Variants in SAMD4A observed in about 807,000 individuals in gnomAD.
SAMD4A encodes the protein protein Smaug homolog 1.
In SAMD4A, 33 loss-of-function variants were observed where a neutral mutation model predicts 81.3. The ratio of observed to expected loss-of-function variants is 0.41; its 90% confidence interval spans 0.31 to 0.54. The LOEUF (loss-of-function observed/expected upper bound fraction) is 0.54, where lower values mean the gene tolerates loss of function less well. Among genes scored for constraint, SAMD4A ranks in the 20% least tolerant of loss-of-function variants. SAMD4A has a pLI of 0.37. For synonymous variants in SAMD4A, 389 were observed against 382.1 expected, an observed-to-expected ratio of 1.02 and a Z score of -0.21; for missense variants, 854 against 951.1, an observed-to-expected ratio of 0.90 and a Z score of 1.34.
At chr14:54,727,390 A>G (rs2037452067) in intron 3 of SAMD4A, among the ~76,000 whole-genome samples, 1 of 151,666 alleles carries the variant, frequency 6.6e-6, no homozygotes, top group South Asian at 2.1e-4. Context: ...GGGTTTCACC[A>G]TGTTAGCCAG....
At chr14:54,720,319 A>C (rs758007770) in intron 3 of SAMD4A, among the ~76,000 whole-genome samples, 1 of 151,886 alleles carries the variant, frequency 6.6e-6, no homozygotes, top group Non-Finnish European at 1.5e-5. Context: ...TGTTTCTTGG[A>C]GTTTTTTCTC....
chr14:54,605,149 C>T (rs2034164422), intron 2 of SAMD4A, among the ~76,000 whole-genome samples: 1 of 152,100 alleles, frequency 6.6e-6, no homozygotes, highest in Non-Finnish European at 1.5e-5. Flanking sequence ...CCCTGTTTCA[C>T]TTGACAATTA....
chr14:54,677,386 C>G (rs61976981), intron 2 of SAMD4A, among the ~76,000 whole-genome samples: 1 of 152,146 alleles, frequency 6.6e-6, no homozygotes, highest in Non-Finnish European at 1.5e-5. Context: ...CCCTATTACC[C>G]TAACTCCTCC....
At chr14:54,568,217 CCGGGACCTGGA>C (rs2033002737) in intron 2 of SAMD4A, 105 bp downstream of exon 2, 1 of 1,118,520 alleles carries the variant, frequency 8.9e-7, no homozygotes, top group Admixed American at 4.0e-5. Context: ...GCCAGCCGCG[CCGGGACCTGGA>C]CGGCGTGGCC....
At chr14:54,576,012 T>C (rs2033283812) in intron 2 of SAMD4A, among the ~76,000 whole-genome samples, 4 of 13,396 alleles carry the variant, frequency 3.0e-4, no homozygotes, top group African/African-American at 5.9e-4. Flanking sequence ...TTTTTTTTTT[T>C]TTTTTTTTTT....
rs577695446 is a variant in SAMD4A, at chr14:54,789,859, G to A, written c.*915G>A. ...CAGCATTGGGTGAGCGCACAAGGAT[G>A]AGGACATCATGTGATCAGTTATGGG... On this transcript the variant is annotated 3_prime_UTR_variant, in exon 13 of 13. Coordinates refer to ENST00000554335, the MANE Select transcript of SAMD4A (RefSeq NM_015589.6). The A allele has an allele frequency of 1.2e-4, 19 of 152,370 alleles. No homozygotes were observed. Among genetic ancestry groups the A allele is most frequent in the African/African-American group, 4.3e-4 (18 of 41,570 alleles). The allele number at this position is 152,370 out of a possible 1,614,324, so 9.4% of individuals were successfully genotyped here. A position where few individuals can be genotyped will look rare whatever the true frequency, so the allele number is the denominator to read the frequency against.
rs141083982 is a variant in SAMD4A, at chr14:54,646,515, G to A, written c.197-55547G>A. On this transcript the variant is annotated intron_variant, in intron 2 of 12. Transcript: ENST00000554335. Reference sequence around the variant, plus strand: ...GCTGCCATTGATCCAGGGTGCACACGTTAAGAACCACTGGCCTAGCACATT... The same window carrying A: ...GCTGCCATTGATCCAGGGTGCACACATTAAGAACCACTGGCCTAGCACATT... 1.3e-3 allele frequency among the ~76,000 whole-genome samples: 196 copies of A among 152,310 alleles called. 1 individual carries two copies. The highest frequency in any genetic ancestry group is 0.01 in the Middle Eastern group (3 of 294).
intron 3 of SAMD4A, among the ~76,000 whole-genome samples, chr14:54,724,744 AG>A (rs2037370805): frequency 6.6e-6 from 1 of 152,352 alleles, no homozygotes; most frequent in Admixed American, 6.5e-5. Context: ...ACCTGGGAAC[AG>A]GGAAGAACGG....
chr14:54,659,543 A>AG (rs1208088757), intron 2 of SAMD4A, among the ~76,000 whole-genome samples: 6 of 152,188 alleles, frequency 3.9e-5, no homozygotes, highest in African/African-American at 1.4e-4. Context: ...GACAATGAAT[A>AG]ATCAGTCATC....
chr14:54,779,861 T>A (rs535381098), intron 11 of SAMD4A, among the ~76,000 whole-genome samples: 2 of 152,132 alleles, frequency 1.3e-5, no homozygotes, highest in East Asian at 3.9e-4. Context: ...CACTACGAGG[T>A]GTAATACGCT....
chr14:54,667,862 C>A (rs899232358), intron 2 of SAMD4A, among the ~76,000 whole-genome samples: 1 of 152,176 alleles, frequency 6.6e-6, no homozygotes, highest in East Asian at 1.9e-4. Context: ...GAACTGTGGA[C>A]AAGAGAGGTT....
chr14:54,783,157 TA>T (rs368455274), intron 11 of SAMD4A, among the ~76,000 whole-genome samples: 17,196 of 140,448 alleles, frequency 0.12, 2,473 homozygotes, highest in African/African-American at 0.36. Context: ...CACAAAACTT[TA>T]AAAAAAAAAA....
intron 2 of SAMD4A, among the ~76,000 whole-genome samples, chr14:54,678,433 T>TTGTGTGTGTGTGTGTGTGTGTG (rs769193366): frequency 3.6e-4 from 29 of 81,274 alleles, no homozygotes; most frequent in East Asian, 4.8e-4. Context: ...CAGTCACCAT[T>TTGTGTGTGTGTGTGTGTGTGTG]TGTGTGTGTG....
intron 2 of SAMD4A, among the ~76,000 whole-genome samples, chr14:54,570,744 C>T (rs1388120788): frequency 6.6e-6 from 1 of 152,174 alleles, no homozygotes; most frequent in Non-Finnish European, 1.5e-5. Flanking sequence ...TAGATACACT[C>T]TTTAAGAAGA....
At chr14:54,666,370 G>C (rs1169540452) in intron 2 of SAMD4A, among the ~76,000 whole-genome samples, 2 of 152,142 alleles carry the variant, frequency 1.3e-5, no homozygotes, top group African/African-American at 4.8e-5. Flanking sequence ...ATACACCAGG[G>C]TATTGGCTCT....
intron 2 of SAMD4A, among the ~76,000 whole-genome samples, chr14:54,637,156 G>A (rs1268760190): frequency 2.0e-5 from 3 of 151,916 alleles, no homozygotes; most frequent in African/African-American, 7.3e-5. Context: ...CCTGAGGTCA[G>A]GAGTTCGAGA....
intron 6 of SAMD4A, among the ~76,000 whole-genome samples, chr14:54,752,341 A>C (rs144970796): frequency 6.6e-6 from 1 of 152,174 alleles, no homozygotes; most frequent in Non-Finnish European, 1.5e-5. Flanking sequence ...GTGAACCAGC[A>C]TTGCTTCTGC....
At chr14:54,612,344 C>T (rs1594733439) in intron 2 of SAMD4A, among the ~76,000 whole-genome samples, 1 of 152,226 alleles carries the variant, frequency 6.6e-6, no homozygotes, top group East Asian at 1.9e-4. Context: ...ATATGATAGA[C>T]TAATCTACAT....
In SAMD4A at chr14:54,748,961, C is replaced by T. The variant is rs8007966; in HGVS notation, c.1089+37C>T. ...AGGTGACTGTTCCCTGAGAGGGTGC[C>T]CCAGGCAGGACCTGAAGTTCAAGGC... On this transcript the variant is annotated intron_variant, in intron 5 of 12. Transcript: ENST00000554335. 4,998 of 1,453,192 alleles carry T rather than the reference C, an allele frequency of 3.4e-3. 113 individuals are homozygous for T. The African/African-American group carries it at 0.057, about 17-fold the overall frequency. 90.0% of individuals were successfully genotyped at this position (1,453,192 alleles called of 1,614,324 possible). A position where few individuals can be genotyped will look rare whatever the true frequency, so the allele number is the denominator to read the frequency against.
Sources: allele counts gnomAD v4.1 joint callset (sites outside exome capture counted in the v4.1 genomes callset), GRCh38; gene constraint gnomAD v4.1.1; transcripts MANE v1.5; gene names NCBI Gene and HGNC (gene_info 2026-07-23, HGNC 2026-07-21).